RNF216: variants seen among roughly 807,000 people sequenced by gnomAD.
RNF216 encodes ring finger protein 216.
RNF216 carries 72 observed loss-of-function variants against 110.8 expected under a neutral mutation model. The ratio of observed to expected loss-of-function variants is 0.65; its 90% CI spans 0.54 to 0.79. The LOEUF is 0.79. RNF216 is among the 30% of genes least tolerant of loss of function. The pLI, the probability that RNF216 is intolerant of heterozygous loss-of-function variation, is 0.00. For synonymous variants in RNF216, 495 were observed against 407.5 expected, an observed-to-expected ratio of 1.21 and a Z score of -2.59; for missense variants, 1,342 against 1,141.2, an observed-to-expected ratio of 1.18 and a Z score of -2.54.
At chr7:5,768,521 C>G (rs1474851216) in intron 1 of RNF216, among the ~76,000 whole-genome samples, 1 of 152,072 alleles carries the variant, frequency 6.6e-6, no homozygotes, top group African/African-American at 2.4e-5. Flanking sequence ...ACATTCTTTT[C>G]AAGTGTATGA....
chr7:5,776,945 A>G (rs1796818293), intron 1 of RNF216, among the ~76,000 whole-genome samples: 1 of 121,204 alleles, frequency 8.3e-6, no homozygotes, highest in Non-Finnish European at 1.8e-5. Flanking sequence ...AGAGAGAGAG[A>G]AAAAAAGAAA....
At chr7:5,743,852 T>C (rs2128656306) in intron 3 of RNF216, among the ~76,000 whole-genome samples, 1 of 152,276 alleles carries the variant, frequency 6.6e-6, no homozygotes, top group Non-Finnish European at 1.5e-5. Context: ...AGGAACTGAA[T>C]CGCAGCGTGG....
intron 13 of RNF216, chr7:5,662,562 T>C (rs1352370563): frequency 6.6e-6 from 1 of 152,216 alleles, no homozygotes; most frequent in Middle Eastern, 3.2e-3. Flanking sequence ...AGACAGTTTC[T>C]GCACTGAAAG....
At chr7:5,749,530 A>G (rs1473577951) in intron 3 of RNF216, among the ~76,000 whole-genome samples, 1 of 152,340 alleles carries the variant, frequency 6.6e-6, no homozygotes, top group East Asian at 1.9e-4. Context: ...GCTATCAGTC[A>G]TAATTTTGGT....
chr7:5,655,396 G>C (rs1187845786), intron 13 of RNF216, among the ~76,000 whole-genome samples: 1 of 152,196 alleles, frequency 6.6e-6, no homozygotes, highest in Non-Finnish European at 1.5e-5. Flanking sequence ...TCAGACATTA[G>C]AGACCAGCCT....
intron 2 of RNF216, 112 bp from the exon 3 acceptor site, chr7:5,753,091 T>A: frequency 9.5e-7 from 1 of 1,047,478 alleles, no homozygotes; most frequent in South Asian, 1.9e-5. Flanking sequence ...GCTACTAGTG[T>A]AACGTACCTC....
Position 5,715,143 on chromosome 7 carries a change from G to T in RNF216, c.1743C>A (p.Phe581Leu), listed in dbSNP as rs1398305387. The change falls in exon 11 of 17, where the codon TTC (phenylalanine) becomes TTA (leucine). Residue 581 changes from phenylalanine (F) to leucine (L), a missense_variant. Physicochemically the swap from Phe to Leu is conservative, Grantham distance 22. Coordinates refer to ENST00000389902, the MANE Select transcript of RNF216 (RefSeq NM_207111.4). Reference protein sequence around the residue: ...ECRCCYGEFPFEELTQCADAH... With the variant: ...ECRCCYGEFPLEELTQCADAH... ...CATCTGCGCACTGCGTCAGCTCCTC[G>T]AATGGAAATTCCCCATAGCAGCAGC... 1 of 1,613,772 alleles carries T rather than the reference G, an allele frequency of 6.2e-7. No individual in the cohort carries two copies. The highest frequency in any genetic ancestry group is 8.5e-7 in the Non-Finnish European group (1 of 1,179,988).
At position 5,624,742 on chromosome 7, in the gene RNF216, C is replaced by A. The variant is rs1257832501; in HGVS notation, c.2383-617G>T. On this transcript the variant is annotated intron_variant, in intron 15 of 16. Transcript: ENST00000389902. This position sits in a 1 kb window ranked among gnomAD's most constrained non-coding sequence, Gnocchi z 4.4. Reference sequence around the variant, plus strand: ...TAGGCCTGAAATAACAAACACAATTCACACTTGGGTTATCCAAGCCTCAGA... The same window carrying A: ...TAGGCCTGAAATAACAAACACAATTAACACTTGGGTTATCCAAGCCTCAGA... Among the ~76,000 whole-genome samples the A allele has an allele frequency of 6.6e-6, 1 of 152,226 alleles. No individual in the cohort carries two copies.
intron 1 of RNF216, among the ~76,000 whole-genome samples, chr7:5,770,449 A>G (rs1796437841): frequency 1.3e-5 from 2 of 151,946 alleles, no homozygotes; most frequent in African/African-American, 4.8e-5. Flanking sequence ...CAACGAGAGC[A>G]AAACTCCGTC....
At chr7:5,633,242 G>T (rs1488103573) in intron 15 of RNF216, among the ~76,000 whole-genome samples, 1 of 151,938 alleles carries the variant, frequency 6.6e-6, no homozygotes, top group African/African-American at 2.4e-5. Flanking sequence ...CTCCCGAAGT[G>T]CTGGGCTTAC....
intron 13 of RNF216, among the ~76,000 whole-genome samples, chr7:5,682,117 T>C (rs760776566): frequency 6.6e-5 from 10 of 152,202 alleles, no homozygotes; most frequent in Non-Finnish European, 1.3e-4. Flanking sequence ...CCTGAGGCCA[T>C]GCGGGCCCAC....
intron 3 of RNF216, among the ~76,000 whole-genome samples, chr7:5,750,299 C>T (rs1443977361): frequency 1.3e-5 from 2 of 152,172 alleles, no homozygotes; most frequent in African/African-American, 4.8e-5. Flanking sequence ...TAATGTCTGC[C>T]CTGGTTTGGT....
rs377507486 is a variant in RNF216 at position 5,624,133 on chromosome 7, G to A, written c.2383-8C>T. On this transcript the variant is annotated splice_polypyrimidine_tract_variant and splice_region_variant and intron_variant, in intron 15 of 16. Transcript: ENST00000389902. The surrounding 1 kb of genome is among the most constrained non-coding windows in gnomAD (Gnocchi z 4.4). Reference sequence around the variant, plus strand: ...AAGCTTCTCATCATCTTCCTAAAACGCAAGCAATGAGAAGGATGAACCTGT... The same window carrying A: ...AAGCTTCTCATCATCTTCCTAAAACACAAGCAATGAGAAGGATGAACCTGT... The A allele has an allele frequency of 7.4e-6, 12 of 1,611,772 alleles. No individual in the cohort carries two copies. In the East Asian group the frequency reaches 1.8e-4, roughly 24 times the overall value.
At chr7:5,778,968 T>A (rs2128687771) in intron 1 of RNF216, among the ~76,000 whole-genome samples, 2 of 152,354 alleles carry the variant, frequency 1.3e-5, no homozygotes, top group East Asian at 3.9e-4. Context: ...GGTCTCGAAC[T>A]CCTGACCTTA....
rs750368750 is a variant in RNF216, at chr7:5,752,922, C to G, written c.125G>C (p.Arg42Thr). 1 of 1,612,168 alleles carries G rather than the reference C, an allele frequency of 6.2e-7. No individual in the cohort carries two copies. The highest frequency in any genetic ancestry group is 1.1e-5 in the South Asian group (1 of 90,354). ...AGCTGGGGTGACCAGCATTGGAATC[C>G]TTTCCTCATCTGAGGAGTCAGATAT... ...ITISDSSDEE[R>T]IPMLVTPAPQ... Residue 42 changes from arginine (R) to threonine (T), a missense_variant, in exon 3 of 17, where the codon AGG (arginine) becomes ACG (threonine). Transcript: ENST00000389902.
rs10543449 is a variant in RNF216 at position 5,754,119 on chromosome 7, GGTGTGTGTGTGTGT to G, written c.68-1154_68-1141del. ...AAGCTGTAATGTTTTTCTTTTGTGT[GGTGTGTGTGTGTGT>G]GTGTGTGTGTGTGTGTGTGTGTGTG... On this transcript the variant is annotated intron_variant, in intron 2 of 16. Transcript: ENST00000389902. Among the ~76,000 whole-genome samples, 727 of 142,096 alleles carry G rather than the reference GGTGTGTGTGTGTGT, an allele frequency of 5.1e-3. 3 individuals carry two copies. Among genetic ancestry groups the G allele is most frequent in the African/African-American group, 0.017 (641 of 37,826 alleles). The allele number at this position is 142,096 out of a possible 152,430, so 93.2% of individuals were successfully genotyped here.
chr7:5,624,622 C>A lies in RNF216; in HGVS notation c.2383-497G>T, dbSNP rs1314478450. Among the ~76,000 whole-genome samples, 1 of 152,238 alleles carries A rather than the reference C, an allele frequency of 6.6e-6. No individual in the cohort carries two copies. Among genetic ancestry groups the A allele is most frequent in the Non-Finnish European group, 1.5e-5 (1 of 68,036 alleles). ...GCTTAGCCCCCAAGGCTGGCCTTGG[C>A]TCCTGGGCCAGGCCTCGGGGAGAGG... On this transcript the variant is annotated intron_variant, in intron 15 of 16. Coordinates refer to ENST00000389902, the MANE Select transcript of RNF216 (RefSeq NM_207111.4). This position sits in a 1 kb window ranked among gnomAD's most constrained non-coding sequence, Gnocchi z 4.4.
At chr7:5,697,085 C>G (rs1018192854) in intron 13 of RNF216, among the ~76,000 whole-genome samples, 4 of 151,994 alleles carry the variant, frequency 2.6e-5, no homozygotes, top group African/African-American at 7.3e-5. Context: ...TATTTATCTT[C>G]AAAGTCCTGC....
intron 13 of RNF216, among the ~76,000 whole-genome samples, chr7:5,679,397 C>T (rs1790510132): frequency 6.6e-6 from 1 of 152,234 alleles, no homozygotes; most frequent in Admixed American, 6.5e-5. Flanking sequence ...TCCGGCCAGC[C>T]TCACAAGGGG....
Sources: gnomAD v4.1 joint callset for allele counts (sites outside exome capture counted in the v4.1 genomes callset) on GRCh38, gnomAD v4.1.1 for gene constraint, Gnocchi (gnomAD v3.1) non-coding constraint, MANE v1.5 for transcripts, NCBI Gene and HGNC (gene_info 2026-07-23, HGNC 2026-07-21) for gene names.